KCNQ5: variants seen among roughly 807,000 people sequenced by gnomAD.
KCNQ5 encodes potassium voltage-gated channel subfamily Q member 5, also known as potassium voltage-gated channel subfamily KQT member 5.
A neutral mutation model predicts 98.2 loss-of-function variants in KCNQ5; 30 were observed. That is an observed-to-expected ratio of 0.31 (90% CI 0.23 to 0.41). The LOEUF (loss-of-function observed/expected upper bound fraction) is 0.41. Among genes scored for constraint, KCNQ5 ranks in the 10% least tolerant of loss-of-function variants. KCNQ5 has a pLI of 1.00. For synonymous variants in KCNQ5, 458 were observed against 449.4 expected, an observed-to-expected ratio of 1.02 and a Z score of -0.24; for missense variants, 835 against 1,182.5, an observed-to-expected ratio of 0.71 and a Z score of 4.31.
At chr6:72,876,091 G>A (rs1308287842) in intron 1 of KCNQ5, among the ~76,000 whole-genome samples, 1 of 151,820 alleles carries the variant, frequency 6.6e-6, no homozygotes, top group Non-Finnish European at 1.5e-5. Flanking sequence ...TTTTAATACA[G>A]AAAACAACAT....
At chr6:72,682,907 C>T (rs1052597399) in intron 1 of KCNQ5, among the ~76,000 whole-genome samples, 5 of 152,136 alleles carry the variant, frequency 3.3e-5, no homozygotes, top group Non-Finnish European at 7.3e-5. Context: ...CCAGGAGCCT[C>T]TTTACGTTTT....
At chr6:73,032,566 T>C (rs1306068627) in intron 2 of KCNQ5, among the ~76,000 whole-genome samples, 1 of 152,230 alleles carries the variant, frequency 6.6e-6, no homozygotes, top group Non-Finnish European at 1.5e-5. Context: ...TTTCATTCAT[T>C]TTGGAGACAC....
intron 7 of KCNQ5, among the ~76,000 whole-genome samples, chr6:73,111,826 A>G (rs769152149): frequency 6.6e-6 from 1 of 152,202 alleles, no homozygotes; most frequent in Non-Finnish European, 1.5e-5. Context: ...AGAACAACAT[A>G]TTTGTTTAGA....
intron 1 of KCNQ5, among the ~76,000 whole-genome samples, chr6:72,650,793 C>T (rs906139900): frequency 6.6e-6 from 1 of 152,036 alleles, no homozygotes; most frequent in African/African-American, 2.4e-5. Flanking sequence ...AAGAAATATT[C>T]CTAGCCTTCA....
chr6:72,627,231 A>G (rs995862683), intron 1 of KCNQ5, among the ~76,000 whole-genome samples: 6 of 152,310 alleles, frequency 3.9e-5, no homozygotes, highest in East Asian at 3.9e-4. Flanking sequence ...AGCCTCTGTC[A>G]GTTTTGTGGT....
chr6:72,828,722 A>G (rs1422195273), intron 1 of KCNQ5, among the ~76,000 whole-genome samples: 2 of 151,864 alleles, frequency 1.3e-5, no homozygotes, highest in African/African-American at 2.4e-5. Flanking sequence ...ACCTACCTCT[A>G]TTTGTCAAAA....
At chr6:72,856,874 G>A (rs1777554879) in intron 1 of KCNQ5, among the ~76,000 whole-genome samples, 1 of 152,210 alleles carries the variant, frequency 6.6e-6, no homozygotes, top group South Asian at 2.1e-4. Context: ...TACGGTAGAA[G>A]AACCCCAGAC....
chr6:72,985,394 G>T (rs1279780465), intron 1 of KCNQ5, among the ~76,000 whole-genome samples: 2 of 152,166 alleles, frequency 1.3e-5, no homozygotes, highest in Non-Finnish European at 2.9e-5. Context: ...AATTTCAGAT[G>T]AGCTGAAAAC....
In KCNQ5 at chr6:73,056,502, A is replaced by G. The variant is rs1582270006; in HGVS notation, c.616+14440A>G. ...TAGTCCCACATGTGGTCATCAGAACATAAGCCATTCCTCATACCAATATGG... is the reference window on the plus strand; with the variant it reads ...TAGTCCCACATGTGGTCATCAGAACGTAAGCCATTCCTCATACCAATATGG... On this transcript the variant is annotated intron_variant, in intron 3 of 13. Coordinates refer to ENST00000370398, the MANE Select transcript of KCNQ5 (RefSeq NM_019842.4). Among the ~76,000 whole-genome samples, 4 of 152,326 alleles carry G rather than the reference A, an allele frequency of 2.6e-5. No individual in the cohort carries two copies. The East Asian group carries it at 5.8e-4, about 22-fold the overall frequency.
At chr6:72,760,219 C>T (rs1400770198) in intron 1 of KCNQ5, among the ~76,000 whole-genome samples, 2 of 152,102 alleles carry the variant, frequency 1.3e-5, no homozygotes, top group African/African-American at 2.4e-5. Flanking sequence ...GTAATTCATG[C>T]TGTACCAAGA....
At chr6:72,637,489 A>C (rs1286256509) in intron 1 of KCNQ5, among the ~76,000 whole-genome samples, 1 of 152,082 alleles carries the variant, frequency 6.6e-6, no homozygotes, top group Non-Finnish European at 1.5e-5. Flanking sequence ...CATGTGGAAA[A>C]TGGCTTTTTT....
At chr6:73,132,426 G>T (rs1017069082) in intron 9 of KCNQ5, among the ~76,000 whole-genome samples, 1 of 152,068 alleles carries the variant, frequency 6.6e-6, no homozygotes, top group Admixed American at 6.5e-5. Context: ...GGTACACAAA[G>T]CTTCTTACAG....
chr6:72,658,513 TC>T (rs1276130016), intron 1 of KCNQ5, among the ~76,000 whole-genome samples: 1 of 145,994 alleles, frequency 6.8e-6, no homozygotes, highest in Non-Finnish European at 1.5e-5. Flanking sequence ...ACTCCTGACC[TC>T]AAGTGATCCA....
chr6:73,097,142 C>CATATATATATATAT (rs70994161), intron 5 of KCNQ5, among the ~76,000 whole-genome samples: 1,534 of 121,838 alleles, frequency 0.013, 36 homozygotes, highest in Non-Finnish European at 0.019. Context: ...CAATAGATCT[C>CATATATATATATAT]ATATATATAT....
intron 3 of KCNQ5, chr6:73,055,375 C>A (rs766377072): frequency 2.0e-6 from 3 of 1,473,238 alleles, no homozygotes; most frequent in Non-Finnish European, 1.9e-6. Context: ...GGGCTCTAGC[C>A]GGTCTCAATA....
intron 1 of KCNQ5, among the ~76,000 whole-genome samples, chr6:72,795,034 C>A (rs1774255217): frequency 6.6e-6 from 1 of 152,150 alleles, no homozygotes; most frequent in Admixed American, 6.6e-5. Flanking sequence ...CATCTCTTGA[C>A]TCTGCTCTGT....
rs3068309 is a variant in KCNQ5 at position 72,954,531 on chromosome 6, CTGTGTGTGTG to C, written c.399-49353_399-49344del. On this transcript the variant is annotated intron_variant, in intron 1 of 13. Transcript: ENST00000370398. ...TCTCGGAAGATCTTTCAAGACTTTT[CTGTGTGTGTG>C]TGTGTGTGTGTGTGTGTGTGTGTTG... is the stretch of plus-strand genomic sequence containing the variant. Among the ~76,000 whole-genome samples the C allele has an allele frequency of 1.1e-3, 162 of 150,546 alleles. 1 individual carries two copies. Among genetic ancestry groups the C allele is most frequent in the Admixed American group, 2.0e-3 (30 of 15,146 alleles).
At chr6:73,065,599 CTATCA>C (rs1773015029) in intron 3 of KCNQ5, among the ~76,000 whole-genome samples, 1 of 152,198 alleles carries the variant, frequency 6.6e-6, no homozygotes, top group Non-Finnish European at 1.5e-5. Flanking sequence ...TTCCCTGCCG[CTATCA>C]TATAATACTT....
chr6:72,899,059 A>G (rs1779371401), intron 1 of KCNQ5, among the ~76,000 whole-genome samples: 1 of 152,112 alleles, frequency 6.6e-6, no homozygotes, highest in Non-Finnish European at 1.5e-5. Flanking sequence ...TAAGTTCCTT[A>G]TAAATTCTGT....
Sources: gnomAD v4.1 joint callset for allele counts (sites outside exome capture counted in the v4.1 genomes callset) on GRCh38, gnomAD v4.1.1 for gene constraint, MANE v1.5 for transcripts, NCBI Gene and HGNC (gene_info 2026-07-23, HGNC 2026-07-21) for gene names.